FHIT: variants seen among roughly 807,000 people sequenced by gnomAD.
The protein encoded by FHIT is bis(5'-adenosyl)-triphosphatase.
A neutral mutation model predicts 17.9 loss-of-function variants in FHIT; 19 were observed. The observed-to-expected ratio is 1.06, with a 90% CI of 0.74 to 1.56. FHIT has a LOEUF of 1.56. Among genes scored for constraint, FHIT ranks in the 40% most tolerant of loss-of-function variants. The pLI is 0.00. For synonymous variants in FHIT, 81 were observed against 69.7 expected (o/e 1.16, Z -0.81); for missense variants, 248 against 189.2 (o/e 1.31, Z -1.82).
intron 8 of FHIT, among the ~76,000 whole-genome samples, chr3:59,879,898 G>T (rs1043768863): frequency 1.3e-5 from 2 of 150,400 alleles, no homozygotes; most frequent in Admixed American, 6.6e-5. Context: ...TAATTCAATG[G>T]TTTAACCAAT....
chr3:60,920,647 G>A (rs1707232475), intron 3 of FHIT, among the ~76,000 whole-genome samples: 2 of 152,062 alleles, frequency 1.3e-5, no homozygotes, highest in African/African-American at 4.8e-5. Flanking sequence ...GAAACCTCCT[G>A]GATTCAACAT....
At chr3:60,941,188 T>C (rs1575726883) in intron 3 of FHIT, among the ~76,000 whole-genome samples, 2 of 152,338 alleles carry the variant, frequency 1.3e-5, no homozygotes, top group East Asian at 3.9e-4. Flanking sequence ...ACATTTCAAG[T>C]ACTCAACAGT....
intron 3 of FHIT, among the ~76,000 whole-genome samples, chr3:61,001,817 C>T (rs561872760): frequency 9.9e-5 from 15 of 152,246 alleles, no homozygotes; most frequent in African/African-American, 3.6e-4. Context: ...TGAGTACCTG[C>T]ATAACTGGTC....
chr3:60,519,789 T>C (rs1469544468), intron 5 of FHIT, among the ~76,000 whole-genome samples: 5 of 152,180 alleles, frequency 3.3e-5, no homozygotes, highest in African/African-American at 1.2e-4. Context: ...GCATCACTAG[T>C]GACCCTTCAT....
intron 7 of FHIT, among the ~76,000 whole-genome samples, chr3:59,972,613 T>C (rs1035908230): frequency 6.6e-6 from 1 of 152,010 alleles, no homozygotes; most frequent in African/African-American, 2.4e-5. Context: ...TCTGAACCAA[T>C]CAAACTCCCT....
chr3:59,850,353 T>A (rs1190699499), intron 8 of FHIT, among the ~76,000 whole-genome samples: 1 of 152,186 alleles, frequency 6.6e-6, no homozygotes, highest in South Asian at 2.1e-4. Flanking sequence ...GCATAAGTAC[T>A]ATGTTGGGCC....
chr3:60,667,063 G>A (rs1402805491), intron 4 of FHIT, among the ~76,000 whole-genome samples: 2 of 102,902 alleles, frequency 1.9e-5, no homozygotes, highest in African/African-American at 7.4e-5. Flanking sequence ...TAGAGACAGG[G>A]TTTTACCATT....
At chr3:60,720,312 T>A (rs574006762) in intron 4 of FHIT, among the ~76,000 whole-genome samples, 2 of 152,300 alleles carry the variant, frequency 1.3e-5, no homozygotes, top group Middle Eastern at 3.4e-3. Context: ...AAGCTTTCCC[T>A]GAACCTCCTA....
chr3:59,778,847 G>A (rs1369092265), intron 8 of FHIT, among the ~76,000 whole-genome samples: 3 of 152,150 alleles, frequency 2.0e-5, no homozygotes, highest in African/African-American at 4.8e-5. Flanking sequence ...ACAGTGAGTG[G>A]ACCTGGAGCT....
At chr3:59,820,546 C>T (rs534029786) in intron 8 of FHIT, among the ~76,000 whole-genome samples, 1 of 152,288 alleles carries the variant, frequency 6.6e-6, no homozygotes, top group South Asian at 2.1e-4. Context: ...AGACCTGCCA[C>T]CTATTATTAT....
chr3:60,286,903 C>T (rs1559790663), intron 5 of FHIT, among the ~76,000 whole-genome samples: 1 of 151,494 alleles, frequency 6.6e-6, no homozygotes, highest in Non-Finnish European at 1.5e-5. Flanking sequence ...CTCTTCCCTG[C>T]AAAAAAAAGT....
intron 5 of FHIT, among the ~76,000 whole-genome samples, chr3:60,317,538 T>G: frequency 6.7e-6 from 1 of 149,344 alleles, no homozygotes; most frequent in East Asian, 1.9e-4. Flanking sequence ...GTGATGCTAA[T>G]ATATTGGAAA....
At chr3:60,507,372 G>A (rs1331107559) in intron 5 of FHIT, among the ~76,000 whole-genome samples, 1 of 152,220 alleles carries the variant, frequency 6.6e-6, no homozygotes, top group Non-Finnish European at 1.5e-5. Flanking sequence ...GGTGAGATTA[G>A]AGAGAAAGAC....
intron 3 of FHIT, among the ~76,000 whole-genome samples, chr3:61,031,679 G>T (rs1055673): frequency 6.6e-6 from 1 of 152,254 alleles, no homozygotes; most frequent in East Asian, 1.9e-4. Context: ...TATCTTGTAG[G>T]TAATCCAGCT....
intron 5 of FHIT, among the ~76,000 whole-genome samples, chr3:60,296,427 G>T (rs1274635613): frequency 2.0e-5 from 3 of 152,116 alleles, no homozygotes; most frequent in African/African-American, 7.2e-5. Context: ...TAGAGTTAAT[G>T]ATGTAGAACA....
intron 5 of FHIT, among the ~76,000 whole-genome samples, chr3:60,331,939 CATT>C: frequency 6.6e-6 from 1 of 151,940 alleles, no homozygotes; most frequent in Non-Finnish European, 1.5e-5. Context: ...GATTCTCCCA[CATT>C]ATTAAGGTAC....
chr3:59,919,332 T>C (rs1269971593), intron 8 of FHIT, among the ~76,000 whole-genome samples: 1 of 152,202 alleles, frequency 6.6e-6, no homozygotes, highest in East Asian at 1.9e-4. Flanking sequence ...GACCCGTTAT[T>C]ATGGAGAGCT....
intron 1 of FHIT, among the ~76,000 whole-genome samples, chr3:61,201,509 C>G (rs1219094465): frequency 6.6e-6 from 1 of 152,162 alleles, no homozygotes; most frequent in East Asian, 1.9e-4. Context: ...TGGGGATAGA[C>G]AGCTACACCA....
At chr3:60,910,402 C>A (rs1351138409) in intron 3 of FHIT, among the ~76,000 whole-genome samples, 1 of 147,010 alleles carries the variant, frequency 6.8e-6, no homozygotes, top group African/African-American at 2.6e-5. Flanking sequence ...GCTTACAGGT[C>A]TTTCTCTCTT....
Sources: gnomAD v4.1 joint callset for allele counts (sites outside exome capture counted in the v4.1 genomes callset) on GRCh38, gnomAD v4.1.1 for gene constraint, MANE v1.5 for transcripts, NCBI Gene and HGNC (gene_info 2026-07-23, HGNC 2026-07-21) for gene names.